ZNF407: variants seen among roughly 807,000 people sequenced by gnomAD.
The protein encoded by ZNF407 is zinc finger protein 407.
ZNF407 carries 17 observed loss-of-function variants against 131.2 expected under a neutral mutation model. The observed-to-expected ratio is 0.13, with a 90% CI of 0.09 to 0.19. The LOEUF is 0.19. ZNF407 is among the 10% of genes least tolerant of loss of function. The pLI, the probability that ZNF407 is intolerant of heterozygous loss-of-function variation, is 1.00. For missense variants in ZNF407, 2,681 were observed against 2,830.6 expected, an observed-to-expected ratio of 0.95 and a Z score of 1.20; for synonymous variants, 1,156 against 1,062.0, an observed-to-expected ratio of 1.09 and a Z score of -1.72.
At chr18:74,854,889 CT>C (rs1015521368) in intron 4 of ZNF407, among the ~76,000 whole-genome samples, 9 of 152,126 alleles carry the variant, frequency 5.9e-5, no homozygotes, top group Non-Finnish European at 1.2e-4. Flanking sequence ...GTCCAGATTT[CT>C]GTTTCTCATA....
chr18:74,906,115 T>C (rs1476103057), intron 7 of ZNF407, among the ~76,000 whole-genome samples: 3 of 152,190 alleles, frequency 2.0e-5, no homozygotes, highest in Non-Finnish European at 4.4e-5. Flanking sequence ...CTCTTCCCGT[T>C]TTCCTGCAGT....
rs537013713 is a variant in ZNF407 at position 74,897,875 on chromosome 18, A to G, written c.5249+7837A>G. The G allele has an allele frequency of 4.6e-5, 7 of 152,268 alleles. No individual in the cohort carries two copies. The South Asian group carries it at 1.2e-3, about 27-fold the overall frequency. 9.4% of individuals were successfully genotyped at this position (152,268 alleles called of 1,614,324 possible). On this transcript the variant is annotated intron_variant, in intron 7 of 8. Transcript: ENST00000299687. ...TGTGGATCTGAGAGAAAATAACCCA[A>G]TTTTTGCAAGTACTATTGGTGGAAA...
chr18:74,788,350 C>T (rs143349758), intron 4 of ZNF407, among the ~76,000 whole-genome samples: 40 of 152,194 alleles, frequency 2.6e-4, no homozygotes, highest in African/African-American at 8.2e-4. Context: ...CATTGTGCAT[C>T]CCTGTGATTA....
chr18:74,757,884 G>A (rs1033569747), intron 3 of ZNF407, among the ~76,000 whole-genome samples: 2 of 151,896 alleles, frequency 1.3e-5, no homozygotes, highest in African/African-American at 2.4e-5. Flanking sequence ...GTTCTCCCCC[G>A]TTTTTTGGCT....
intron 3 of ZNF407, among the ~76,000 whole-genome samples, chr18:74,686,009 G>A (rs543383756): frequency 1.3e-5 from 2 of 152,208 alleles, no homozygotes; most frequent in African/African-American, 4.8e-5. Context: ...GTATATAATC[G>A]GCGCTTAATA....
At chr18:74,887,762 C>T (rs944374637) in intron 6 of ZNF407, among the ~76,000 whole-genome samples, 1 of 152,130 alleles carries the variant, frequency 6.6e-6, no homozygotes, top group African/African-American at 2.4e-5. Flanking sequence ...TTAATCCTCA[C>T]AATCACCCTG....
chr18:74,927,682 A>G (rs1442093967), intron 8 of ZNF407, among the ~76,000 whole-genome samples: 1 of 152,216 alleles, frequency 6.6e-6, no homozygotes, highest in African/African-American at 2.4e-5. Flanking sequence ...AAAGAGCTTG[A>G]AAATTGTATT....
rs74795661 is a variant in ZNF407, at chr18:74,724,411, T to C, written c.4803-57017T>C. Among the ~76,000 whole-genome samples the C allele has an allele frequency of 5.4e-3, 824 of 152,280 alleles. 3 individuals carry two copies. The highest frequency in any genetic ancestry group is 9.3e-3 in the Non-Finnish European group (634 of 68,022). Reference sequence around the variant, plus strand: ...TAACTATAGTCATTCTCTTGTGCAATAGAACACCAGAATGTATCCCTCCTA... The same window carrying C: ...TAACTATAGTCATTCTCTTGTGCAACAGAACACCAGAATGTATCCCTCCTA... On this transcript the variant is annotated intron_variant, in intron 3 of 8. Transcript: ENST00000299687.
At chr18:74,953,897 A>T (rs964666713) in intron 8 of ZNF407, among the ~76,000 whole-genome samples, 2 of 152,182 alleles carry the variant, frequency 1.3e-5, no homozygotes, top group African/African-American at 4.8e-5. Context: ...ATTCTGGGAG[A>T]AAAGTTGAGA....
At chr18:74,611,207 G>A (rs564459577) in intron 1 of ZNF407, among the ~76,000 whole-genome samples, 79 of 152,310 alleles carry the variant, frequency 5.2e-4, no homozygotes, top group African/African-American at 1.8e-3. Context: ...GACAGTAGTT[G>A]TATGACTCTG....
chr18:74,739,756 TA>T (rs891249674), intron 3 of ZNF407, among the ~76,000 whole-genome samples: 1 of 152,140 alleles, frequency 6.6e-6, no homozygotes, highest in South Asian at 2.1e-4. Context: ...AATGCTCATT[TA>T]AAAAGTAAAA....
chr18:74,783,935 C>T (rs1175765069), intron 4 of ZNF407, among the ~76,000 whole-genome samples: 1 of 152,158 alleles, frequency 6.6e-6, no homozygotes, highest in African/African-American at 2.4e-5. Flanking sequence ...ACAGGAATGC[C>T]AGGACCCCAG....
chr18:74,737,529 G>A (rs1265106105), intron 3 of ZNF407, among the ~76,000 whole-genome samples: 3 of 152,182 alleles, frequency 2.0e-5, no homozygotes, highest in Non-Finnish European at 4.4e-5. Context: ...TGCCTTAGGT[G>A]TCTGCTATAC....
At chr18:74,881,794 C>T (rs898285074) in intron 6 of ZNF407, among the ~76,000 whole-genome samples, 3 of 152,200 alleles carry the variant, frequency 2.0e-5, no homozygotes, top group African/African-American at 7.2e-5. Context: ...TCATTAAGAA[C>T]TGTATTAGTC....
At chr18:74,866,987 GAAAAAAA>G (rs35418996) in intron 4 of ZNF407, among the ~76,000 whole-genome samples, 2 of 62,788 alleles carry the variant, frequency 3.2e-5, no homozygotes, top group African/African-American at 6.4e-5. Context: ...GTGTCTACCC[GAAAAAAA>G]AAAAAAAAAA....
At chr18:74,853,302 C>T (rs1203278133) in intron 4 of ZNF407, among the ~76,000 whole-genome samples, 1 of 152,132 alleles carries the variant, frequency 6.6e-6, no homozygotes, top group Non-Finnish European at 1.5e-5. Context: ...GAAAGCCTTC[C>T]GTTTTCCAGT....
rs929506100 is a variant in ZNF407, at chr18:74,881,138, C to G, written c.5128+19C>G. The G allele has an allele frequency of 1.9e-6, 3 of 1,554,702 alleles. No individual in the cohort carries two copies. Among genetic ancestry groups the G allele is most frequent in the African/African-American group, 1.4e-5 (1 of 73,684 alleles). Reference sequence around the variant, plus strand: ...CACACAGGTCAGTTCCGATGCTGCACTGGCCCCTTCTCTGCAGAGAGGACG... The same window carrying G: ...CACACAGGTCAGTTCCGATGCTGCAGTGGCCCCTTCTCTGCAGAGAGGACG... On this transcript the variant is annotated intron_variant, in intron 6 of 8. Transcript: ENST00000299687.
intron 1 of ZNF407, among the ~76,000 whole-genome samples, chr18:74,599,434 C>G (rs575385823): frequency 6.6e-6 from 1 of 152,314 alleles, no homozygotes; most frequent in South Asian, 2.1e-4. Flanking sequence ...CTGGTTCTTG[C>G]TTTATGCCAA....
intron 8 of ZNF407, among the ~76,000 whole-genome samples, chr18:74,960,473 C>G (rs373690086): frequency 3.2e-4 from 35 of 110,526 alleles, no homozygotes; most frequent in East Asian, 1.2e-3. Flanking sequence ...GGTCCTGAGT[C>G]AGTGCTTGGT....
Sources: allele counts gnomAD v4.1 joint callset (sites outside exome capture counted in the v4.1 genomes callset), GRCh38; gene constraint gnomAD v4.1.1; transcripts MANE v1.5; gene names NCBI Gene and HGNC (gene_info 2026-07-23, HGNC 2026-07-21).